Variants in NAV2 observed in about 807,000 individuals in gnomAD.
NAV2 encodes helicase, APC down-regulated 1.
In NAV2, 54 loss-of-function variants were observed where a neutral mutation model predicts 223.2. That is an observed-to-expected ratio of 0.24 (90% CI 0.19 to 0.30). NAV2 has a LOEUF of 0.30. Among genes scored for constraint, NAV2 ranks in the 10% least tolerant of loss-of-function variants. The pLI, the probability that NAV2 is intolerant of heterozygous loss-of-function variation, is 1.00. For missense variants in NAV2, 2,806 were observed against 3,147.5 expected (o/e 0.89, Z 2.60); for synonymous variants, 1,279 against 1,239.3 (o/e 1.03, Z -0.67).
chr11:19,991,695 C>T (rs1009867996), intron 11 of NAV2, among the ~76,000 whole-genome samples: 12 of 152,184 alleles, frequency 7.9e-5, no homozygotes, highest in African/African-American at 2.9e-4. Context: ...AAACACAACC[C>T]GTGTTTCATC....
At chr11:19,441,448 G>GCACACACA (rs150858991) in intron 1 of NAV2, among the ~76,000 whole-genome samples, 3 of 145,948 alleles carry the variant, frequency 2.1e-5, no homozygotes, top group African/African-American at 5.0e-5. Context: ...ACACACACAC[G>GCACACACA]CACACACACA....
At chr11:19,498,237 C>T (rs137864108) in intron 1 of NAV2, among the ~76,000 whole-genome samples, 35 of 152,336 alleles carry the variant, frequency 2.3e-4, no homozygotes, top group African/African-American at 7.0e-4. Context: ...TCTTATTACA[C>T]GTGGGCCACT....
intron 17 of NAV2, among the ~76,000 whole-genome samples, chr11:20,053,712 C>G (rs1441920599): frequency 1.3e-5 from 2 of 152,180 alleles, no homozygotes; most frequent in Non-Finnish European, 2.9e-5. Context: ...TTAAAACTCC[C>G]TCAAAGCTCT....
intron 16 of NAV2, among the ~76,000 whole-genome samples, chr11:20,050,551 A>C (rs2057890252): frequency 6.6e-6 from 1 of 151,628 alleles, no homozygotes; most frequent in African/African-American, 2.4e-5. Context: ...AAACATAACA[A>C]ACAGATGTTG....
chr11:20,098,104 G>C (rs952446383), intron 31 of NAV2, among the ~76,000 whole-genome samples: 2 of 152,134 alleles, frequency 1.3e-5, no homozygotes, highest in African/African-American at 4.8e-5. Flanking sequence ...GGAAAACCAC[G>C]ACTTGCAATA....
chr11:20,007,548 G>T (rs2053188657), intron 11 of NAV2, among the ~76,000 whole-genome samples: 1 of 152,180 alleles, frequency 6.6e-6, no homozygotes, highest in Non-Finnish European at 1.5e-5. Context: ...GGTTAGAAAG[G>T]CTCTCAAAGT....
intron 1 of NAV2, among the ~76,000 whole-genome samples, chr11:19,667,292 T>C (rs1212487621): frequency 1.3e-5 from 2 of 152,252 alleles, no homozygotes; most frequent in Non-Finnish European, 1.5e-5. Context: ...ACTCTGGGGA[T>C]TGAAAACTCA....
chr11:19,435,880 A>T (rs1313460640), intron 1 of NAV2, among the ~76,000 whole-genome samples: 1 of 152,158 alleles, frequency 6.6e-6, no homozygotes, highest in Non-Finnish European at 1.5e-5. Flanking sequence ...CATTTCAGAA[A>T]GTATTCAAGT....
chr11:19,934,980 A>AGTG (rs1283992165), intron 7 of NAV2, among the ~76,000 whole-genome samples: 1 of 152,182 alleles, frequency 6.6e-6, no homozygotes, highest in Non-Finnish European at 1.5e-5. Flanking sequence ...CAGTCCACAC[A>AGTG]GTGGTGCTGC....
chr11:20,011,625 G>T (rs1431361021), intron 11 of NAV2, among the ~76,000 whole-genome samples: 1 of 152,192 alleles, frequency 6.6e-6, no homozygotes, highest in African/African-American at 2.4e-5. Flanking sequence ...GACAGAGCCA[G>T]GATTTGTAGC....
chr11:19,545,696 G>C (rs538221121), intron 1 of NAV2, among the ~76,000 whole-genome samples: 1 of 152,136 alleles, frequency 6.6e-6, no homozygotes, highest in Non-Finnish European at 1.5e-5. Context: ...CGCGGCCCAG[G>C]GTGGCTTTAA....
intron 37 of NAV2, among the ~76,000 whole-genome samples, chr11:20,115,295 G>C (rs1226258530): frequency 1.3e-5 from 2 of 152,052 alleles, no homozygotes; most frequent in Non-Finnish European, 2.9e-5. Flanking sequence ...CTTTCACACT[G>C]TTTAAGCTTC....
At position 19,933,887 on chromosome 11, in the gene NAV2, A is replaced by T. The variant is rs138003585; in HGVS notation, c.1643A>T (p.Lys548Met). The change falls in exon 7 of 38, where the codon AAG becomes ATG. Residue 548 changes from lysine to methionine, a missense_variant. Transcript: ENST00000349880. The surrounding 1 kb of genome is among the most constrained non-coding windows in gnomAD (Gnocchi z 4.3). Reference protein sequence around the residue: ...KIASFIPKGGKLNSAKKEPMA... With the variant: ...KIASFIPKGGMLNSAKKEPMA... ...GCCAGCTTCATCCCCAAAGGGGGGAAGCTCAACAGTGCCAAGAAGGAGCCC... is the reference window on the plus strand; with the variant it reads ...GCCAGCTTCATCCCCAAAGGGGGGATGCTCAACAGTGCCAAGAAGGAGCCC... 89 of 1,594,442 alleles carry T rather than the reference A, an allele frequency of 5.6e-5. 1 individual carries two copies. The African/African-American group carries it at 8.8e-4, about 16-fold the overall frequency.
At chr11:19,848,291 T>G (rs2152965559) in intron 3 of NAV2, among the ~76,000 whole-genome samples, 1 of 152,266 alleles carries the variant, frequency 6.6e-6, no homozygotes, top group South Asian at 2.1e-4. Context: ...ATATGAGTGA[T>G]AAAAGCTGCT....
chr11:19,372,834 G>C (rs1848517742), intron 1 of NAV2, among the ~76,000 whole-genome samples: 1 of 152,174 alleles, frequency 6.6e-6, no homozygotes, highest in Non-Finnish European at 1.5e-5. Flanking sequence ...TGGCCAATTG[G>C]GCTGTTGGAG....
intron 1 of NAV2, among the ~76,000 whole-genome samples, chr11:19,629,791 C>G (rs1258741510): frequency 6.6e-6 from 1 of 152,156 alleles, no homozygotes; most frequent in African/African-American, 2.4e-5. Context: ...TACTAAATCA[C>G]ACCCTGCACT....
chr11:20,064,913 A>G (rs909999509), intron 20 of NAV2, among the ~76,000 whole-genome samples: 8 of 152,170 alleles, frequency 5.3e-5, no homozygotes, highest in African/African-American at 1.7e-4. Flanking sequence ...TCAGGAAACC[A>G]AGCAAGGTGA....
chr11:20,117,086 C>T (rs2063166562), intron 37 of NAV2, among the ~76,000 whole-genome samples: 1 of 152,222 alleles, frequency 6.6e-6, no homozygotes, highest in African/African-American at 2.4e-5. Context: ...TCCTGAGGGG[C>T]AGCTGGATTG....
At chr11:19,827,734 T>G (rs1041981956) in intron 1 of NAV2, among the ~76,000 whole-genome samples, 1 of 151,740 alleles carries the variant, frequency 6.6e-6, no homozygotes, top group African/African-American at 2.4e-5. Flanking sequence ...AAAAAATTGT[T>G]TTAAGAAGTT....
Sources: allele counts gnomAD v4.1 joint callset (sites outside exome capture counted in the v4.1 genomes callset), GRCh38; gene constraint gnomAD v4.1.1; non-coding constraint Gnocchi (gnomAD v3.1); transcripts MANE v1.5; gene names NCBI Gene and HGNC (gene_info 2026-07-23, HGNC 2026-07-21).